The following SLC4A10 variants were observed in gnomAD, a reference collection of about 807,000 sequenced individuals.
The protein encoded by SLC4A10 is sodium-driven chloride bicarbonate exchanger.
In SLC4A10, 42 loss-of-function variants were observed where a neutral mutation model predicts 137.7. The observed-to-expected ratio is 0.30, with a 90% CI of 0.24 to 0.39. SLC4A10 has a LOEUF of 0.39. SLC4A10 is among the 10% of genes least tolerant of loss of function. The probability of loss-of-function intolerance (pLI) is 1.00; values close to 1 mark genes in which losing one functional copy is unlikely to be tolerated. For synonymous variants in SLC4A10, 474 were observed against 464.1 expected, an observed-to-expected ratio of 1.02 and a Z score of -0.27; for missense variants, 925 against 1,355.0, an observed-to-expected ratio of 0.68 and a Z score of 4.98.
intron 1 of SLC4A10, chr2:161,708,777 G>C: frequency 6.5e-6 from 10 of 1,532,712 alleles, no homozygotes; most frequent in African/African-American, 1.4e-5. Flanking sequence ...TCTGGAAATA[G>C]AAAGGTCATG....
chr2:161,840,450 C>G (rs2059112082), intron 4 of SLC4A10, among the ~76,000 whole-genome samples: 1 of 152,110 alleles, frequency 6.6e-6, no homozygotes, highest in South Asian at 2.1e-4. Flanking sequence ...CTTTTTCTAT[C>G]ATTTGTAATT....
intron 26 of SLC4A10, among the ~76,000 whole-genome samples, chr2:161,981,852 C>T (rs1468614312): frequency 3.3e-5 from 5 of 152,144 alleles, no homozygotes; most frequent in South Asian, 2.1e-4. Context: ...GCCATAGACA[C>T]GCGCTCACAC....
At chr2:161,805,437 A>G (rs1293396481) in intron 3 of SLC4A10, among the ~76,000 whole-genome samples, 2 of 152,200 alleles carry the variant, frequency 1.3e-5, no homozygotes, top group Non-Finnish European at 2.9e-5. Context: ...TCAAAAGTCT[A>G]TAGTCCAAAA....
chr2:161,893,713 C>G (rs1034642347), intron 10 of SLC4A10, among the ~76,000 whole-genome samples: 2 of 151,082 alleles, frequency 1.3e-5, no homozygotes, highest in Non-Finnish European at 3.0e-5. Context: ...AAACAAAAAT[C>G]AAAAATATTC....
chr2:161,887,169 A>G (rs1034379479), intron 10 of SLC4A10, among the ~76,000 whole-genome samples: 3 of 151,970 alleles, frequency 2.0e-5, no homozygotes, highest in African/African-American at 7.3e-5. Flanking sequence ...TATGTGCCAC[A>G]TTTTCTTTAT....
chr2:161,692,382 A>G (rs2042088094), intron 1 of SLC4A10, among the ~76,000 whole-genome samples: 1 of 152,056 alleles, frequency 6.6e-6, no homozygotes, highest in Non-Finnish European at 1.5e-5. Flanking sequence ...GATTCACTTT[A>G]TTGTGAGAAT....
chr2:161,714,385 G>C (rs2044620302), intron 1 of SLC4A10, among the ~76,000 whole-genome samples: 1 of 151,764 alleles, frequency 6.6e-6, no homozygotes, highest in African/African-American at 2.4e-5. Context: ...TTCTCAAAAA[G>C]CAAATAGAAG....
At chr2:161,899,736 A>T (rs1291926341) in intron 11 of SLC4A10, among the ~76,000 whole-genome samples, 1 of 152,054 alleles carries the variant, frequency 6.6e-6, no homozygotes, top group Non-Finnish European at 1.5e-5. Context: ...GGAAGTAGGT[A>T]TTGAGGGAAA....
At chr2:161,920,643 C>A (rs986693233) in intron 15 of SLC4A10, among the ~76,000 whole-genome samples, 1 of 152,094 alleles carries the variant, frequency 6.6e-6, no homozygotes, top group African/African-American at 2.4e-5. Context: ...AAATTCAAGT[C>A]CTGTGACAAA....
At chr2:161,904,215 A>ATCCATT in intron 13 of SLC4A10, 37 bp downstream of exon 13, 1 of 1,542,776 alleles carries the variant, frequency 6.5e-7, no homozygotes. Flanking sequence ...TTGAAACATA[A>ATCCATT]TCCATTTTTA....
At chr2:161,882,001 C>T (rs1292949380) in intron 9 of SLC4A10, among the ~76,000 whole-genome samples, 3 of 151,846 alleles carry the variant, frequency 2.0e-5, no homozygotes, top group African/African-American at 7.2e-5. Flanking sequence ...TTTCTTCCTT[C>T]CAATTTAGAA....
At chr2:161,832,807 C>T (rs1559350972) in intron 3 of SLC4A10, among the ~76,000 whole-genome samples, 2 of 152,212 alleles carry the variant, frequency 1.3e-5, no homozygotes, top group South Asian at 4.1e-4. Flanking sequence ...GTGGCGCGAT[C>T]TCAGCTTACT....
intron 2 of SLC4A10, among the ~76,000 whole-genome samples, chr2:161,788,053 A>G (rs576200397): frequency 2.1e-4 from 32 of 151,556 alleles, no homozygotes; most frequent in African/African-American, 5.3e-4. Flanking sequence ...TGAATTTGCT[A>G]TTGTTTGAAT....
intron 2 of SLC4A10, among the ~76,000 whole-genome samples, chr2:161,789,397 C>T (rs555011144): frequency 1.3e-5 from 2 of 152,226 alleles, no homozygotes; most frequent in East Asian, 1.9e-4. Flanking sequence ...CCAGTTTCTT[C>T]CCATGGGCTC....
At chr2:161,946,831 C>A (rs1693901612) in intron 16 of SLC4A10, among the ~76,000 whole-genome samples, 1 of 151,954 alleles carries the variant, frequency 6.6e-6, no homozygotes, top group Non-Finnish European at 1.5e-5. Context: ...ATGAGCTTTG[C>A]CTTGCTCATG....
intron 15 of SLC4A10, 105 bp from the exon 16 acceptor site, chr2:161,942,687 T>C: frequency 2.4e-6 from 2 of 819,136 alleles, no homozygotes; most frequent in Non-Finnish European, 2.0e-6. Flanking sequence ...GTCTGTCAAA[T>C]AGAGGAATGC....
chr2:161,671,971 A>C (rs1442566672), intron 1 of SLC4A10, among the ~76,000 whole-genome samples: 1 of 152,134 alleles, frequency 6.6e-6, no homozygotes, highest in Admixed American at 6.6e-5. Flanking sequence ...TGATTGTGTG[A>C]ATTAGGGATT....
At chr2:161,839,324 C>G (rs1243370204) in intron 3 of SLC4A10, among the ~76,000 whole-genome samples, 1 of 152,102 alleles carries the variant, frequency 6.6e-6, no homozygotes, top group Non-Finnish European at 1.5e-5. Flanking sequence ...GTAGGAATGA[C>G]TACAAAGGAG....
Position 161,983,453 on chromosome 2 carries a change from C to A in SLC4A10, c.*301C>A. The A allele has an allele frequency of 1.8e-6, 1 of 540,700 alleles. No individual in the cohort carries two copies. Among genetic ancestry groups the A allele is most frequent in the Non-Finnish European group, 3.2e-6 (1 of 308,524 alleles). The allele number at this position is 540,700 out of a possible 1,614,324, so 33.5% of individuals were successfully genotyped here. A position where few individuals can be genotyped will look rare whatever the true frequency, so the allele number is the denominator to read the frequency against. ...CAGATACAATAGCCAATGCAAGAAT[C>A]TGTGTGTTCCTTGCTGTACGTTAGA... On this transcript the variant is annotated 3_prime_UTR_variant, in exon 27 of 27. Coordinates refer to ENST00000446997, the MANE Select transcript of SLC4A10 (RefSeq NM_001178015.2).
Sources: allele counts gnomAD v4.1 joint callset (sites outside exome capture counted in the v4.1 genomes callset), GRCh38; gene constraint gnomAD v4.1.1; transcripts MANE v1.5; gene names NCBI Gene and HGNC (gene_info 2026-07-23, HGNC 2026-07-21).